Variants in MYO3A observed in about 807,000 individuals in gnomAD.
The protein encoded by MYO3A is myosin-IIIa.
In MYO3A, 180 loss-of-function variants were observed where a neutral mutation model predicts 192.7. The observed-to-expected ratio is 0.93, with a 90% CI of 0.83 to 1.06. The LOEUF is 1.06. MYO3A is among the 50% of genes least tolerant of loss of function. The pLI is 0.00. For missense variants in MYO3A, 1,896 were observed against 1,905.0 expected, an observed-to-expected ratio of 1.00 and a Z score of 0.09; for synonymous variants, 628 against 645.3, an observed-to-expected ratio of 0.97 and a Z score of 0.41.
chr10:26,154,893 G>C, intron 25 of MYO3A, 70 bp downstream of exon 25: 1 of 1,267,252 alleles, frequency 7.9e-7, no homozygotes, highest in Admixed American at 1.9e-5. Flanking sequence ...CAGATCAAAA[G>C]CCAGTAACAC....
In MYO3A at chr10:25,952,252, G is replaced by A; in HGVS notation, c.142G>A (p.Ala48Thr). 2 of 1,612,568 alleles carry A rather than the reference G, an allele frequency of 1.2e-6. No homozygotes were observed. Among genetic ancestry groups the A allele is most frequent in the Non-Finnish European group, 1.7e-6 (2 of 1,179,136 alleles). Residue 48 changes from alanine to threonine, a missense_variant, in exon 3 of 35, where the codon GCA becomes ACA. Transcript: ENST00000642920. Reference protein sequence around the residue: ...VLNKKNGQKAAVKILDPIHDI... With the variant: ...VLNKKNGQKATVKILDPIHDI... ...GAATAAGAAAAATGGCCAAAAAGCAGCAGTCAAAATTCTTGATCCAATTCA... is the reference window on the plus strand; with the variant it reads ...GAATAAGAAAAATGGCCAAAAAGCAACAGTCAAAATTCTTGATCCAATTCA...
intron 2 of MYO3A, among the ~76,000 whole-genome samples, chr10:25,940,091 T>C (rs1564387638): frequency 6.6e-6 from 1 of 152,028 alleles, no homozygotes; most frequent in Non-Finnish European, 1.5e-5. Flanking sequence ...TCTGTTTAGG[T>C]TTTAGGTGGA....
intron 15 of MYO3A, among the ~76,000 whole-genome samples, chr10:26,093,971 G>A (rs1184295879): frequency 6.6e-6 from 1 of 152,154 alleles, no homozygotes; most frequent in Non-Finnish European, 1.5e-5. Flanking sequence ...TTTCAGTGCA[G>A]AATGCATGCT....
rs183963071 is a variant in MYO3A at position 26,143,329 on chromosome 10, A to C, written c.2263-119A>C. The C allele has an allele frequency of 1.6e-4, 170 of 1,057,158 alleles. No homozygotes were observed. In the African/African-American group the frequency reaches 2.5e-3, roughly 16 times the overall value. 65.5% of individuals were successfully genotyped at this position (1,057,158 alleles called of 1,614,324 possible). A position where few individuals can be genotyped will look rare whatever the true frequency, so the allele number is the denominator to read the frequency against. ...CTGGACGACAGAGCGAGTCTCCGTC[A>C]CAAAAAAAGCAAGGTCAAAGGGAGC... On this transcript the variant is annotated intron_variant, in intron 20 of 34. Transcript: ENST00000642920.
At chr10:26,023,951 T>C in intron 8 of MYO3A, 71 bp from the exon 9 acceptor site, 1 of 1,363,146 alleles carries the variant, frequency 7.3e-7, no homozygotes. Flanking sequence ...CATTAGTCTA[T>C]CTGGCTCTGC....
intron 30 of MYO3A, among the ~76,000 whole-genome samples, chr10:26,176,113 T>G (rs532048253): frequency 5.5e-4 from 83 of 151,996 alleles, no homozygotes; most frequent in Admixed American, 9.2e-4. Flanking sequence ...GCTAACGTGG[T>G]GAAACCCTGT....
chr10:26,200,627 G>GT (rs1191276902), intron 32 of MYO3A, among the ~76,000 whole-genome samples: 4 of 152,198 alleles, frequency 2.6e-5, no homozygotes, highest in African/African-American at 9.6e-5. Flanking sequence ...TCGAATTGAA[G>GT]TATCAGTTAA....
chr10:26,189,918 C>T (rs529747145), intron 31 of MYO3A, among the ~76,000 whole-genome samples: 2 of 152,156 alleles, frequency 1.3e-5, no homozygotes, highest in African/African-American at 4.8e-5. Flanking sequence ...TAAAAATTAT[C>T]TGGGCGCAGT....
At chr10:26,088,458 T>A in intron 15 of MYO3A, 53 bp downstream of exon 15, 1 of 1,495,144 alleles carries the variant, frequency 6.7e-7, no homozygotes, top group Non-Finnish European at 9.3e-7. Flanking sequence ...GCAAACATAA[T>A]ACTTTAATAG....
chr10:26,194,256 C>A (rs1449419498), intron 32 of MYO3A, among the ~76,000 whole-genome samples: 1 of 152,176 alleles, frequency 6.6e-6, no homozygotes, highest in Admixed American at 6.5e-5. Flanking sequence ...CATGCTCCTC[C>A]CTTAATTGTT....
chr10:26,145,232 G>A (rs1840391759), intron 21 of MYO3A, among the ~76,000 whole-genome samples: 1 of 150,630 alleles, frequency 6.6e-6, no homozygotes, highest in Non-Finnish European at 1.5e-5. Flanking sequence ...GACATGGCTT[G>A]AGGACTGATG....
intron 10 of MYO3A, among the ~76,000 whole-genome samples, chr10:26,036,956 C>T (rs1456983015): frequency 6.6e-6 from 1 of 152,228 alleles, no homozygotes; most frequent in Non-Finnish European, 1.5e-5. Flanking sequence ...CCTCTGTGGT[C>T]ATACATCACT....
At chr10:26,207,613 C>G (rs1039776197) in intron 34 of MYO3A, among the ~76,000 whole-genome samples, 1 of 152,146 alleles carries the variant, frequency 6.6e-6, no homozygotes, top group Non-Finnish European at 1.5e-5. Context: ...TTTCTGGGCT[C>G]TCTATTCTGT....
chr10:26,182,462 T>C (rs928950506), intron 31 of MYO3A, among the ~76,000 whole-genome samples: 2 of 152,218 alleles, frequency 1.3e-5, no homozygotes, highest in Non-Finnish European at 2.9e-5. Flanking sequence ...CTTTTATCTA[T>C]GTGTTATGAA....
At chr10:25,971,634 A>T (rs1429117684) in intron 4 of MYO3A, among the ~76,000 whole-genome samples, 1 of 151,956 alleles carries the variant, frequency 6.6e-6, no homozygotes, top group African/African-American at 2.4e-5. Flanking sequence ...TTAGTAAGGT[A>T]TTTTTTCCTT....
chr10:25,974,588 C>T (rs770225500), intron 4 of MYO3A, among the ~76,000 whole-genome samples: 6 of 152,186 alleles, frequency 3.9e-5, no homozygotes, highest in Non-Finnish European at 8.8e-5. Flanking sequence ...CTTAGAGTGA[C>T]ACCTTGTTTC....
intron 17 of MYO3A, among the ~76,000 whole-genome samples, chr10:26,116,080 A>G (rs926682429): frequency 2.0e-5 from 3 of 152,208 alleles, no homozygotes; most frequent in African/African-American, 7.2e-5. Flanking sequence ...TACATATCTT[A>G]TTCATAAATT....
intron 17 of MYO3A, among the ~76,000 whole-genome samples, chr10:26,100,077 C>T (rs1249656349): frequency 6.6e-6 from 1 of 152,132 alleles, no homozygotes; most frequent in African/African-American, 2.4e-5. Context: ...TAATTATTGC[C>T]TCAATTTCAA....
intron 25 of MYO3A, among the ~76,000 whole-genome samples, chr10:26,156,027 C>CTA (rs1841088332): frequency 6.6e-6 from 1 of 152,198 alleles, no homozygotes. Context: ...CAGTGTAACA[C>CTA]TATGCTTTAG....
Sources: gnomAD v4.1 joint callset for allele counts (sites outside exome capture counted in the v4.1 genomes callset) on GRCh38, gnomAD v4.1.1 for gene constraint, MANE v1.5 for transcripts, NCBI Gene and HGNC (gene_info 2026-07-23, HGNC 2026-07-21) for gene names.